CA12: variants seen among roughly 807,000 people sequenced by gnomAD.
The protein encoded by CA12 is carbonic anhydrase 12.
CA12 carries 36 observed loss-of-function variants against 46.8 expected under a neutral mutation model. The observed-to-expected ratio is 0.77, with a 90% confidence interval of 0.59 to 1.02. The LOEUF is 1.02. Among genes scored for constraint, CA12 ranks in the 50% least tolerant of loss-of-function variants. The probability of loss-of-function intolerance (pLI) is 0.00; values close to 1 mark genes in which losing one functional copy is unlikely to be tolerated. For synonymous variants in CA12, 202 were observed against 187.0 expected (o/e 1.08, Z -0.65); for missense variants, 436 against 451.4 (o/e 0.97, Z 0.31).
In CA12 at chr15:63,340,403, A is replaced by G. The variant is rs2039062529; in HGVS notation, c.632T>C (p.Leu211Pro). The G allele has an allele frequency of 1.9e-6, 3 of 1,614,060 alleles. No individual in the cohort carries two copies. The highest frequency in any genetic ancestry group is 2.5e-6 in the Non-Finnish European group (3 of 1,180,042). Residue 211 changes from leucine (L) to proline (P), a missense_variant, in exon 7 of 11, where the codon CTT becomes CCT. By Grantham distance (98) the Leu-to-Pro change is moderately conservative. Transcript: ENST00000178638. The surrounding 1 kb of genome is among the most constrained non-coding windows in gnomAD (Gnocchi z 4.4). Reference sequence around the variant, plus strand: ...GTAATATTCAGCGGTCCTCTCCGGAAGCAGCTCTTCAATGTTGAATCCCGG... The same window carrying G: ...GTAATATTCAGCGGTCCTCTCCGGAGGCAGCTCTTCAATGTTGAATCCCGG... Reference protein sequence around the residue: ...FVPGFNIEELLPERTAEYYRY... With the variant: ...FVPGFNIEELPPERTAEYYRY...
rs78522663 is a variant in CA12, at chr15:63,348,027, T to C, written c.107-1318A>G. 6.6e-6 allele frequency among the ~76,000 whole-genome samples: 1 copy of C among 152,050 alleles called. No homozygotes were observed. Among genetic ancestry groups the C allele is most frequent in the Admixed American group, 6.6e-5 (1 of 15,262 alleles). ...CTAACTAGGGGACCGTATCTGAGAG[T>C]GGGAAGAATCCGAAGTGATACTTGG... On this transcript the variant is annotated intron_variant, in intron 2 of 10. Transcript: ENST00000178638. This position sits in a 1 kb window ranked among gnomAD's most constrained non-coding sequence, Gnocchi z 4.6.
In CA12 at chr15:63,324,335, A is replaced by G. The variant is rs2038837558; in HGVS notation, c.*1950T>C. On this transcript the variant is annotated 3_prime_UTR_variant, in exon 11 of 11. Coordinates refer to ENST00000178638, the MANE Select transcript of CA12 (RefSeq NM_001218.5). ...TGTTCTCTCACAAAACTCATCCACAAAAGATATACAGAGTCTTTTGACAGA... is the reference window on the plus strand; with the variant it reads ...TGTTCTCTCACAAAACTCATCCACAGAAGATATACAGAGTCTTTTGACAGA... 1 of 152,188 alleles carries G rather than the reference A, an allele frequency of 6.6e-6. No homozygotes were observed. Among genetic ancestry groups the G allele is most frequent in the Non-Finnish European group, 1.5e-5 (1 of 68,046 alleles). 9.4% of individuals were successfully genotyped at this position (152,188 alleles called of 1,614,324 possible).
At chr15:63,368,744 C>T (rs1345779861) in intron 2 of CA12, among the ~76,000 whole-genome samples, 4 of 152,248 alleles carry the variant, frequency 2.6e-5, no homozygotes, top group African/African-American at 9.6e-5. Context: ...AGGACAGCCC[C>T]ACAGCTCGTC....
chr15:63,336,869 G>T (rs1282394560), intron 8 of CA12, among the ~76,000 whole-genome samples: 1 of 152,146 alleles, frequency 6.6e-6, no homozygotes, highest in African/African-American at 2.4e-5. Flanking sequence ...AGCCGGCAAT[G>T]GGGTCCTGGG....
At chr15:63,326,565 T>C (rs2152608959) in intron 10 of CA12, among the ~76,000 whole-genome samples, 1 of 152,276 alleles carries the variant, frequency 6.6e-6, no homozygotes. Context: ...CTGTTCTCTT[T>C]CACACCTAAC....
intron 2 of CA12, among the ~76,000 whole-genome samples, chr15:63,363,271 T>A (rs1454566757): frequency 6.6e-6 from 1 of 152,252 alleles, no homozygotes; most frequent in African/African-American, 2.4e-5. Flanking sequence ...ATGTGGCATT[T>A]CCTTTCAGGC....
intron 2 of CA12, among the ~76,000 whole-genome samples, chr15:63,351,931 T>C (rs556161990): frequency 5.3e-5 from 8 of 152,340 alleles, no homozygotes; most frequent in Non-Finnish European, 1.2e-4. Context: ...TCTGAACACA[T>C]CCTTGAATGG....
intron 2 of CA12, among the ~76,000 whole-genome samples, chr15:63,365,491 C>T (rs1267304319): frequency 6.6e-6 from 1 of 152,226 alleles, no homozygotes; most frequent in East Asian, 1.9e-4. Flanking sequence ...CAGTTGTAAA[C>T]AGGGGCAGGG....
rs763491874 is a variant in CA12, at chr15:63,346,678, CTTCTTGGACCAGCTA to C, written c.123_137del (p.Asn41_Lys45del). 8 of 1,614,224 alleles carry C rather than the reference CTTCTTGGACCAGCTA, an allele frequency of 5.0e-6. No individual in the cohort carries two copies. The highest frequency in any genetic ancestry group is 6.8e-6 in the Non-Finnish European group (8 of 1,180,052). The stretch of plus-strand genomic sequence containing the variant: ...GCAGCAGGCCCCCACACGACGGGTA[CTTCTTGGACCAGCTA>C]TTCTCCCCATCAGGACCTGGACACA... On this transcript the variant is annotated inframe_deletion, in exon 3 of 11. Transcript: ENST00000178638.
At position 63,381,727 on chromosome 15, in the gene CA12, G is replaced by A; in HGVS notation, c.-7C>T. 6.3e-7 allele frequency: 1 copy of A among 1,577,380 alleles called. No individual in the cohort carries two copies. The highest frequency in any genetic ancestry group is 8.6e-7 in the Non-Finnish European group (1 of 1,161,830). ...GCAGGCTGCGCCGGGGCATCTTCGC[G>A]GGCTCCTGCGGGGCGGGCGCGGGCT... On this transcript the variant is annotated 5_prime_UTR_variant, in exon 1 of 11. Transcript: ENST00000178638.
chr15:63,343,991 T>C (rs562477432), intron 4 of CA12, among the ~76,000 whole-genome samples: 2 of 152,346 alleles, frequency 1.3e-5, no homozygotes, highest in East Asian at 3.9e-4. Context: ...AAAACAGTTC[T>C]GTTGAATTTC....
chr15:63,346,042 C>T (rs980804357), intron 3 of CA12, among the ~76,000 whole-genome samples: 3 of 152,200 alleles, frequency 2.0e-5, no homozygotes, highest in African/African-American at 7.2e-5. Flanking sequence ...CCCCAACGTA[C>T]ATAATCTCCA....
intron 2 of CA12, among the ~76,000 whole-genome samples, chr15:63,369,849 T>G (rs952033305): frequency 1.3e-5 from 2 of 152,216 alleles, no homozygotes; most frequent in Admixed American, 6.5e-5. Context: ...TATGCCTGTC[T>G]TTAGGAACTA....
intron 1 of CA12, among the ~76,000 whole-genome samples, chr15:63,379,400 G>A (rs1056274947): frequency 2.0e-5 from 3 of 152,150 alleles, no homozygotes; most frequent in East Asian, 1.9e-4. Context: ...GCACGCGCAC[G>A]AAAGTGTGCT....
In CA12 at chr15:63,328,028, C is replaced by CTTGG. The variant is rs1053094234; in HGVS notation, c.907+66_907+69dup. 2.8e-5 allele frequency: 40 copies of CTTGG among 1,453,810 alleles called. No individual in the cohort carries two copies. Among genetic ancestry groups the CTTGG allele is most frequent in the African/African-American group, 7.0e-5 (5 of 71,724 alleles). The allele number at this position is 1,453,810 out of a possible 1,614,324, so 90.1% of individuals were successfully genotyped here. ...AGTACAGAGAAGCAGAGAGGACGGG[C>CTTGG]TTGGATCACACCAAGAATCACAGTG... On this transcript the variant is annotated intron_variant, in intron 9 of 10. Transcript: ENST00000178638. The surrounding 1 kb of genome is among the most constrained non-coding windows in gnomAD (Gnocchi z 5.9).
At chr15:63,375,849 G>A (rs1255789952) in intron 1 of CA12, among the ~76,000 whole-genome samples, 171 bp from the exon 2 acceptor site, 1 of 146,608 alleles carries the variant, frequency 6.8e-6, no homozygotes, top group Non-Finnish European at 1.5e-5. Context: ...TGCTCTTGTT[G>A]CCCAGGCTGG....
chr15:63,328,014 G>T lies in CA12; in HGVS notation c.907+84C>A. On this transcript the variant is annotated intron_variant, in intron 9 of 10. Transcript: ENST00000178638. This position sits in a 1 kb window ranked among gnomAD's most constrained non-coding sequence, Gnocchi z 5.9. Reference sequence around the variant, plus strand: ...GGAGCCAGAGCAATAGTACAGAGAAGCAGAGAGGACGGGCTTGGATCACAC... The same window carrying T: ...GGAGCCAGAGCAATAGTACAGAGAATCAGAGAGGACGGGCTTGGATCACAC... The T allele has an allele frequency of 7.7e-7, 1 of 1,291,134 alleles. No individual in the cohort carries two copies. Among genetic ancestry groups the T allele is most frequent in the Non-Finnish European group, 1.1e-6 (1 of 887,782 alleles). The allele number at this position is 1,291,134 out of a possible 1,614,324, so 80.0% of individuals were successfully genotyped here.
rs1419373399 is a variant in CA12 at position 63,341,173 on chromosome 15, A to G, written c.526-390T>C. ...TGGGAAATGAGGTACATACAGCCTCATTAGGAAAAAAAAACATGCAAGCCA... is the reference window on the plus strand; with the variant it reads ...TGGGAAATGAGGTACATACAGCCTCGTTAGGAAAAAAAAACATGCAAGCCA... On this transcript the variant is annotated intron_variant, in intron 5 of 10. Transcript: ENST00000178638. This position sits in a 1 kb window ranked among gnomAD's most constrained non-coding sequence, Gnocchi z 5.2. Among the ~76,000 whole-genome samples the G allele has an allele frequency of 6.6e-6, 1 of 152,180 alleles. No homozygotes were observed. Among genetic ancestry groups the G allele is most frequent in the African/African-American group, 2.4e-5 (1 of 41,436 alleles).
intron 2 of CA12, among the ~76,000 whole-genome samples, chr15:63,356,008 T>A (rs545579812): frequency 7.9e-5 from 12 of 152,218 alleles, no homozygotes; most frequent in Non-Finnish European, 1.8e-4. Context: ...TTTACATGAT[T>A]AAATATGGTG....
Sources: gnomAD v4.1 joint callset for allele counts (sites outside exome capture counted in the v4.1 genomes callset) on GRCh38, gnomAD v4.1.1 for gene constraint, Gnocchi (gnomAD v3.1) non-coding constraint, MANE v1.5 for transcripts, NCBI Gene and HGNC (gene_info 2026-07-23, HGNC 2026-07-21) for gene names.